The following ADCY2 variants were observed in gnomAD, a reference collection of about 807,000 sequenced individuals.
ADCY2 encodes adenylate cyclase 2.
In ADCY2, 31 loss-of-function variants were observed where a neutral mutation model predicts 125.2. The ratio of observed to expected loss-of-function variants is 0.25; its 90% confidence interval spans 0.19 to 0.33. The LOEUF (loss-of-function observed/expected upper bound fraction) is 0.33. ADCY2 is among the 10% of genes least tolerant of loss of function. The pLI is 1.00. For synonymous variants in ADCY2, 512 were observed against 548.4 expected (o/e 0.93, Z 0.93); for missense variants, 904 against 1,418.2 (o/e 0.64, Z 5.82).
intron 1 of ADCY2, among the ~76,000 whole-genome samples, chr5:7,406,078 T>C (rs1231445759): frequency 6.6e-6 from 1 of 151,992 alleles, no homozygotes; most frequent in African/African-American, 2.4e-5. Flanking sequence ...CAGGCTGGTC[T>C]CAAACTCCTG....
At position 7,442,972 on chromosome 5, in the gene ADCY2, CT is replaced by C. The variant is rs1285638323; in HGVS notation, c.408+28203del. Among the ~76,000 whole-genome samples, 12 of 152,238 alleles carry C rather than the reference CT, an allele frequency of 7.9e-5. No individual in the cohort carries two copies. In the East Asian group the frequency reaches 2.1e-3, roughly 27 times the overall value. ...TCAGTTACAGCCATTATTTTTGATGCTCAAATTATCCCTTCTTTGGCTAGTC... is the reference window on the plus strand; with the variant it reads ...TCAGTTACAGCCATTATTTTTGATGCCAAATTATCCCTTCTTTGGCTAGTC... On this transcript the variant is annotated intron_variant, in intron 2 of 24. Coordinates refer to ENST00000338316, the MANE Select transcript of ADCY2 (RefSeq NM_020546.3).
chr5:7,640,121 A>G (rs541879548), intron 4 of ADCY2, among the ~76,000 whole-genome samples: 1 of 152,366 alleles, frequency 6.6e-6, no homozygotes, highest in South Asian at 2.1e-4. Flanking sequence ...TTGCAGGATA[A>G]TGAATCTTTA....
intron 18 of ADCY2, among the ~76,000 whole-genome samples, chr5:7,779,999 G>A (rs148183926): frequency 2.6e-4 from 39 of 152,328 alleles, no homozygotes; most frequent in Middle Eastern, 6.8e-3. Context: ...GGGCCAGGAG[G>A]AAGTTACTGC....
chr5:7,715,109 A>G (rs1314193025), intron 11 of ADCY2, among the ~76,000 whole-genome samples: 1 of 152,220 alleles, frequency 6.6e-6, no homozygotes, highest in Non-Finnish European at 1.5e-5. Flanking sequence ...CATCAGCCCC[A>G]GGGGACCTTA....
At position 7,706,897 on chromosome 5, in the gene ADCY2, C is replaced by T. The variant is rs771347600; in HGVS notation, c.1263C>T (p.Val421=). ...TLANHMEAGG[V]PGRVHISSVT... ...CCAACCACATGGAAGCTGGAGGGGT[C>T]CCTGGGTAAGGCCAAGCATTGGATT... The change falls in exon 8 of 25, where the codon GTC becomes GTT. Residue 421 remains valine, a synonymous_variant. Coordinates refer to ENST00000338316, the MANE Select transcript of ADCY2 (RefSeq NM_020546.3). 1 of 1,613,938 alleles carries T rather than the reference C, an allele frequency of 6.2e-7. No individual in the cohort carries two copies. The highest frequency in any genetic ancestry group is 1.3e-5 in the African/African-American group (1 of 74,906).
rs73048128 is a variant in ADCY2 at position 7,570,532 on chromosome 5, T to G, written c.570+49633T>G. 1.4e-3 allele frequency among the ~76,000 whole-genome samples: 204 copies of G among 148,136 alleles called. 1 individual carries two copies. Among genetic ancestry groups the G allele is most frequent in the African/African-American group, 4.9e-3 (196 of 40,032 alleles). ...GGACATGGGTAGGAGTGACTAAAAG[T>G]GGACCAGAAATGAGGATGAGATGAA... On this transcript the variant is annotated intron_variant, in intron 3 of 24. Coordinates refer to ENST00000338316, the MANE Select transcript of ADCY2 (RefSeq NM_020546.3).
At chr5:7,483,641 G>T (rs1180386910) in intron 2 of ADCY2, among the ~76,000 whole-genome samples, 1 of 152,194 alleles carries the variant, frequency 6.6e-6, no homozygotes, top group East Asian at 1.9e-4. Context: ...TGGCATGGGA[G>T]TGCCGGGTGG....
chr5:7,583,403 CAAAGTTAAAGTATTT>C (rs1402392772), intron 3 of ADCY2, among the ~76,000 whole-genome samples: 1 of 151,834 alleles, frequency 6.6e-6, no homozygotes, highest in Non-Finnish European at 1.5e-5. Context: ...AAAAGTAGAA[CAAAGTTAAAGTATTT>C]AACTTTGGTT....
chr5:7,441,564 G>A (rs1022983734), intron 2 of ADCY2, among the ~76,000 whole-genome samples: 1 of 152,112 alleles, frequency 6.6e-6, no homozygotes, highest in African/African-American at 2.4e-5. Flanking sequence ...TATAGTGGTT[G>A]CTGTTTTCCA....
intron 3 of ADCY2, among the ~76,000 whole-genome samples, chr5:7,596,014 T>C (rs1471794041): frequency 6.6e-6 from 1 of 151,868 alleles, no homozygotes; most frequent in African/African-American, 2.4e-5. Flanking sequence ...AGAAATTTTA[T>C]ATGGTGATGC....
chr5:7,550,305 A>G (rs1293145432), intron 3 of ADCY2, among the ~76,000 whole-genome samples: 6 of 152,210 alleles, frequency 3.9e-5, no homozygotes, highest in Non-Finnish European at 7.3e-5. Flanking sequence ...TATTACTGAG[A>G]AAGTTAACCA....
At chr5:7,796,118 A>C (rs1183324140) in intron 20 of ADCY2, 1 of 152,200 alleles carries the variant, frequency 6.6e-6, no homozygotes, top group Non-Finnish European at 1.5e-5. Context: ...GCCTGGGATC[A>C]GCTTATACCT....
At chr5:7,429,034 G>C (rs1394502678) in intron 2 of ADCY2, among the ~76,000 whole-genome samples, 4 of 131,924 alleles carry the variant, frequency 3.0e-5, no homozygotes, top group African/African-American at 1.1e-4. Flanking sequence ...GAGAGAGAGA[G>C]AGAGCTCTAG....
At chr5:7,538,937 C>T (rs1189975594) in intron 3 of ADCY2, among the ~76,000 whole-genome samples, 3 of 148,292 alleles carry the variant, frequency 2.0e-5, no homozygotes, top group African/African-American at 7.5e-5. Context: ...GATCTCAGCT[C>T]ACTGCAACCT....
At chr5:7,591,757 C>A (rs1407085253) in intron 3 of ADCY2, among the ~76,000 whole-genome samples, 1 of 152,160 alleles carries the variant, frequency 6.6e-6, no homozygotes, top group Non-Finnish European at 1.5e-5. Flanking sequence ...TAGAATCAAA[C>A]ACACCTAGGT....
chr5:7,560,439 A>G (rs1200733822), intron 3 of ADCY2, among the ~76,000 whole-genome samples: 1 of 152,226 alleles, frequency 6.6e-6, no homozygotes, highest in Non-Finnish European at 1.5e-5. Context: ...AAAAATAGTA[A>G]CAAATTTTCT....
At chr5:7,745,592 T>C (rs987357935) in intron 15 of ADCY2, among the ~76,000 whole-genome samples, 2 of 152,220 alleles carry the variant, frequency 1.3e-5, no homozygotes, top group African/African-American at 2.4e-5. Flanking sequence ...TGGTTTTCTA[T>C]GTTCCCGGAA....
intron 14 of ADCY2, among the ~76,000 whole-genome samples, chr5:7,739,009 A>G (rs1424804127): frequency 6.6e-6 from 1 of 151,898 alleles, no homozygotes; most frequent in Non-Finnish European, 1.5e-5. Context: ...TTATTATTAT[A>G]CCAATAGGAA....
chr5:7,672,268 A>G (rs1180176451), intron 4 of ADCY2, among the ~76,000 whole-genome samples: 1 of 152,218 alleles, frequency 6.6e-6, no homozygotes. Flanking sequence ...GTGTCAAATT[A>G]TGGAGATAAT....
Sources: allele counts gnomAD v4.1 joint callset (sites outside exome capture counted in the v4.1 genomes callset), GRCh38; gene constraint gnomAD v4.1.1; transcripts MANE v1.5; gene names NCBI Gene and HGNC (gene_info 2026-07-23, HGNC 2026-07-21).